The following GTPBP4 variants were observed in gnomAD, a reference collection of about 807,000 sequenced individuals.
GTPBP4 encodes the protein GTP-binding protein 4.
A neutral mutation model predicts 81.7 loss-of-function variants in GTPBP4; 15 were observed. That is an observed-to-expected ratio of 0.18 (90% CI 0.12 to 0.28). GTPBP4 has a LOEUF of 0.28. Among genes scored for constraint, GTPBP4 ranks in the 10% least tolerant of loss-of-function variants. The pLI, the probability that GTPBP4 is intolerant of heterozygous loss-of-function variation, is 1.00. For missense variants in GTPBP4, 847 were observed against 793.8 expected, an observed-to-expected ratio of 1.07 and a Z score of -0.81; for synonymous variants, 272 against 274.6, an observed-to-expected ratio of 0.99 and a Z score of 0.09.
At chr10:991,842 C>G (rs1831449546) in intron 1 of GTPBP4, among the ~76,000 whole-genome samples, 1 of 149,256 alleles carries the variant, frequency 6.7e-6, no homozygotes, top group Non-Finnish European at 1.5e-5. Context: ...ACTACAGGTG[C>G]CCGCTACCAC....
At chr10:1,002,605 C>T (rs1006646479) in intron 8 of GTPBP4, among the ~76,000 whole-genome samples, 1 of 152,034 alleles carries the variant, frequency 6.6e-6, no homozygotes, top group Admixed American at 6.6e-5. Flanking sequence ...CTAGTAGTGA[C>T]GAATTCTCTG....
chr10:999,884 A>G (rs1871624), intron 6 of GTPBP4, among the ~76,000 whole-genome samples: 88,560 of 152,036 alleles, frequency 0.58, 26,206 homozygotes, highest in African/African-American at 0.69. Flanking sequence ...GCTTGAACCC[A>G]GAAGACAGGG....
In GTPBP4 at chr10:1,012,648, C is replaced by G. The variant is rs1420327490; in HGVS notation, c.1528C>G (p.Arg510Gly). 1 of 1,612,154 alleles carries G rather than the reference C, an allele frequency of 6.2e-7. No homozygotes were observed. Among genetic ancestry groups the G allele is most frequent in the East Asian group, 2.2e-5 (1 of 44,862 alleles). The change falls in exon 14 of 17, where the codon CGA becomes GGA. Residue 510 changes from arginine to glycine, a missense_variant. By Grantham distance (125) the Arg-to-Gly change is moderately radical. This residue lies in a region of GTPBP4 where 600 missense variants were observed against 557.1 expected (regional missense o/e 1.08). Transcript: ENST00000360803. The part of the protein sequence containing the change: ...EKNTQGPRMP[R>G]TAKKVQRTVL... ...GAATACACAGGGACCCAGGATGCCG[C>G]GAACTGCTAAGAAGGCAAGTTTGTG...
At chr10:1,016,557 T>G (rs757353335) in intron 16 of GTPBP4, among the ~76,000 whole-genome samples, 69 of 152,336 alleles carry the variant, frequency 4.5e-4, no homozygotes, top group Non-Finnish European at 9.1e-4. Flanking sequence ...ACCTGGCTGT[T>G]AATATTGGCA....
At chr10:1,002,280 T>C (rs1462474682) in intron 8 of GTPBP4, among the ~76,000 whole-genome samples, 1 of 152,230 alleles carries the variant, frequency 6.6e-6, no homozygotes, top group Non-Finnish European at 1.5e-5. Context: ...ATCTGTCTAA[T>C]GTTGCGAGTC....
intron 8 of GTPBP4, among the ~76,000 whole-genome samples, chr10:1,001,867 C>T (rs922087495): frequency 4.0e-5 from 6 of 151,396 alleles, no homozygotes; most frequent in Admixed American, 2.6e-4. Context: ...TTTTATGCAG[C>T]GGTTGGATGA....
At chr10:1,013,926 G>A (rs1031577916) in intron 14 of GTPBP4, among the ~76,000 whole-genome samples, 2 of 152,210 alleles carry the variant, frequency 1.3e-5, no homozygotes, top group African/African-American at 2.4e-5. Flanking sequence ...GCCTTTGTCT[G>A]AGGCCACCTC....
chr10:1,007,916 G>A (rs377607596), intron 10 of GTPBP4: 28 of 517,320 alleles, frequency 5.4e-5, no homozygotes, highest in Admixed American at 1.9e-5. Context: ...TCTTTTTCTC[G>A]CTGATTTGTT....
At chr10:997,595 T>G (rs1386121892) in intron 5 of GTPBP4, among the ~76,000 whole-genome samples, 1 of 152,254 alleles carries the variant, frequency 6.6e-6, no homozygotes, top group African/African-American at 2.4e-5. Flanking sequence ...CAGAAGCCAT[T>G]ACTTTTTGTT....
chr10:1,006,036 G>A (rs1831723205), intron 9 of GTPBP4, 129 bp downstream of exon 9: 2 of 592,776 alleles, frequency 3.4e-6, no homozygotes, highest in Admixed American at 6.5e-5. Context: ...TAGCGAGGCG[G>A]GTGGCGTGCG....
intron 1 of GTPBP4, among the ~76,000 whole-genome samples, chr10:990,476 A>G (rs916128140): frequency 4.8e-4 from 73 of 152,162 alleles, no homozygotes; most frequent in African/African-American, 1.4e-3. Flanking sequence ...TAATCCCAGC[A>G]CTTTGGGAGG....
chr10:1,002,676 A>T (rs953710028), intron 8 of GTPBP4, among the ~76,000 whole-genome samples: 2 of 152,128 alleles, frequency 1.3e-5, no homozygotes, highest in African/African-American at 4.8e-5. Context: ...GCTTTGCTGG[A>T]TGTAATATAG....
At chr10:1,006,090 C>T (rs1831725416) in intron 9 of GTPBP4, among the ~76,000 whole-genome samples, 183 bp downstream of exon 9, 3 of 152,208 alleles carry the variant, frequency 2.0e-5, no homozygotes, top group African/African-American at 7.2e-5. Context: ...CCACTTTGCC[C>T]CCCGTGGACA....
At chr10:996,960 T>G (rs2132158904) in intron 4 of GTPBP4, 1 of 470,016 alleles carries the variant, frequency 2.1e-6, no homozygotes, top group Admixed American at 3.9e-5. Flanking sequence ...ACCTAATGAA[T>G]TAAAACGTGG....
At chr10:1,016,588 C>G (rs1414819830) in intron 16 of GTPBP4, among the ~76,000 whole-genome samples, 2 of 152,204 alleles carry the variant, frequency 1.3e-5, no homozygotes, top group Non-Finnish European at 2.9e-5. Context: ...TCAGTCAGAC[C>G]TGAGGAAAAC....
intron 6 of GTPBP4, 58 bp downstream of exon 6, chr10:999,153 T>A: frequency 1.0e-6 from 1 of 994,852 alleles, no homozygotes; most frequent in African/African-American, 1.6e-5. Context: ...AGTTTCACTC[T>A]TGTTGCCCAG....
At chr10:991,022 G>A (rs1361934379) in intron 1 of GTPBP4, among the ~76,000 whole-genome samples, 7 of 150,190 alleles carry the variant, frequency 4.7e-5, no homozygotes, top group African/African-American at 9.8e-5. Flanking sequence ...GTGACCACCC[G>A]TTTACTTGTC....
At chr10:997,729 G>A (rs1007292040) in intron 5 of GTPBP4, among the ~76,000 whole-genome samples, 2 of 152,236 alleles carry the variant, frequency 1.3e-5, no homozygotes, top group African/African-American at 4.8e-5. Context: ...CGGGGCTCCG[G>A]TGGCAGGTGA....
At position 1,005,810 on chromosome 10, in the gene GTPBP4, A is replaced by G. The variant is rs1289454938; in HGVS notation, c.913-8A>G. ...AATACATCTCTCGTTTTTTCTTTGC[A>G]TTCCCAGAAAATATTTACAGATTTG... On this transcript the variant is annotated splice_polypyrimidine_tract_variant and splice_region_variant and intron_variant, in intron 8 of 16. Transcript: ENST00000360803. 5.9e-6 allele frequency: 9 copies of G among 1,528,012 alleles called. No homozygotes were observed. The highest frequency in any genetic ancestry group is 4.5e-5 in the East Asian group (2 of 44,506). The allele number at this position is 1,528,012 out of a possible 1,614,324, so 94.7% of individuals were successfully genotyped here.
Sources: allele counts gnomAD v4.1 joint callset (sites outside exome capture counted in the v4.1 genomes callset), GRCh38; gene constraint gnomAD v4.1.1; regional missense constraint gnomAD v4.1.1; transcripts MANE v1.5; gene names NCBI Gene and HGNC (gene_info 2026-07-23, HGNC 2026-07-21).